The following RAP1GDS1 variants were observed in gnomAD, a reference collection of about 807,000 sequenced individuals.
RAP1GDS1 encodes Rap1 GTPase-GDP dissociation stimulator 1, also known as RAP1, GTP-GDP dissociation stimulator 1.
RAP1GDS1 carries 35 observed loss-of-function variants against 71.1 expected under a neutral mutation model. The observed-to-expected ratio is 0.49, with a 90% CI of 0.38 to 0.65. RAP1GDS1 has a LOEUF of 0.65. Ranked by LOEUF, RAP1GDS1 falls within the 30% of genes least tolerant of loss-of-function variation. RAP1GDS1 has a pLI of 0.00. For synonymous variants in RAP1GDS1, 229 were observed against 243.1 expected, an observed-to-expected ratio of 0.94 and a Z score of 0.54; for missense variants, 663 against 706.1, an observed-to-expected ratio of 0.94 and a Z score of 0.69.
rs141643272 is a variant in RAP1GDS1, at chr4:98,272,228, G to A, written c.4+10659G>A. On this transcript the variant is annotated intron_variant, in intron 1 of 14. Coordinates refer to ENST00000408927, the MANE Select transcript of RAP1GDS1 (RefSeq NM_001100427.2). ...CTGCATTTTAAATAATTATTACTAG[G>A]CGCAAACACATCTTTATTAATCAAA... Among the ~76,000 whole-genome samples, 416 of 152,262 alleles carry A rather than the reference G, an allele frequency of 2.7e-3. 3 individuals carry two copies. The highest frequency in any genetic ancestry group is 9.7e-3 in the African/African-American group (402 of 41,554).
intron 2 of RAP1GDS1, among the ~76,000 whole-genome samples, chr4:98,317,444 G>A (rs1329031866): frequency 1.3e-5 from 2 of 152,086 alleles, no homozygotes; most frequent in African/African-American, 2.4e-5. Context: ...CTCCAAATTC[G>A]GGGCTAAGGT....
chr4:98,324,091 T>G (rs1369562978), intron 2 of RAP1GDS1, among the ~76,000 whole-genome samples: 5 of 151,010 alleles, frequency 3.3e-5, no homozygotes, highest in Admixed American at 2.6e-4. Context: ...ACAAAATCAA[T>G]GTACAAAAAT....
At chr4:98,374,534 A>C (rs1740875084) in intron 4 of RAP1GDS1, among the ~76,000 whole-genome samples, 1 of 152,120 alleles carries the variant, frequency 6.6e-6, no homozygotes, top group African/African-American at 2.4e-5. Flanking sequence ...CTTAAAATGC[A>C]TCTCAACTTT....
chr4:98,313,120 G>A (rs1730505765), intron 2 of RAP1GDS1, among the ~76,000 whole-genome samples: 1 of 151,446 alleles, frequency 6.6e-6, no homozygotes, highest in East Asian at 1.9e-4. Context: ...TGCAATTATG[G>A]GGGTTGCAAG....
chr4:98,434,536 C>T (rs1428435066), intron 13 of RAP1GDS1, among the ~76,000 whole-genome samples: 4 of 151,818 alleles, frequency 2.6e-5, no homozygotes, highest in Admixed American at 1.3e-4. Flanking sequence ...CTGTGTTACC[C>T]TTCTGTGTGT....
At chr4:98,382,919 C>T (rs1042724310) in intron 5 of RAP1GDS1, among the ~76,000 whole-genome samples, 6 of 151,632 alleles carry the variant, frequency 4.0e-5, no homozygotes, top group Admixed American at 4.0e-4. Flanking sequence ...GCATTGAAAA[C>T]ACACTGGTAG....
intron 5 of RAP1GDS1, among the ~76,000 whole-genome samples, chr4:98,383,037 C>T (rs1333789280): frequency 6.6e-6 from 1 of 151,548 alleles, no homozygotes; most frequent in Non-Finnish European, 1.5e-5. Context: ...AGAAACAAAC[C>T]AGTGATCTAA....
At chr4:98,271,370 C>T (rs758762855) in intron 1 of RAP1GDS1, among the ~76,000 whole-genome samples, 15 of 152,008 alleles carry the variant, frequency 9.9e-5, no homozygotes, top group Admixed American at 2.0e-4. Flanking sequence ...TTTAACTAAA[C>T]GCCTTTCTCC....
intron 1 of RAP1GDS1, among the ~76,000 whole-genome samples, chr4:98,271,093 T>C (rs2110231123): frequency 6.6e-6 from 1 of 152,246 alleles, no homozygotes; most frequent in East Asian, 1.9e-4. Flanking sequence ...AAGTTATGTG[T>C]GGATTTTTGA....
At chr4:98,340,932 T>TA (rs1377816613) in intron 2 of RAP1GDS1, among the ~76,000 whole-genome samples, 1 of 151,998 alleles carries the variant, frequency 6.6e-6, no homozygotes, top group East Asian at 1.9e-4. Flanking sequence ...CTATGCTTAT[T>TA]ACCTAAGTGA....
intron 14 of RAP1GDS1, among the ~76,000 whole-genome samples, chr4:98,439,826 G>T (rs1414291584): frequency 6.6e-6 from 1 of 152,066 alleles, no homozygotes; most frequent in East Asian, 1.9e-4. Context: ...TTAGAATTGT[G>T]GTAAAACATA....
chr4:98,436,823 ATTAT>A (rs1471366449), intron 13 of RAP1GDS1, 113 bp from the exon 14 acceptor site: 18 of 987,388 alleles, frequency 1.8e-5, no homozygotes, highest in Non-Finnish European at 2.3e-5. Flanking sequence ...CTAGGTCATT[ATTAT>A]TTATCAGTTC....
chr4:98,372,874 G>C (rs1740599642), intron 4 of RAP1GDS1, among the ~76,000 whole-genome samples: 1 of 151,998 alleles, frequency 6.6e-6, no homozygotes, highest in Non-Finnish European at 1.5e-5. Context: ...CTTTTGAGTA[G>C]AGACAGGTTC....
intron 2 of RAP1GDS1, among the ~76,000 whole-genome samples, chr4:98,312,531 G>T (rs1730378189): frequency 6.6e-6 from 1 of 152,120 alleles, no homozygotes; most frequent in South Asian, 2.1e-4. Context: ...AGATTGTAGG[G>T]CAGAGGTTGA....
intron 2 of RAP1GDS1, among the ~76,000 whole-genome samples, chr4:98,334,759 G>T (rs1482824805): frequency 6.6e-6 from 1 of 151,740 alleles, no homozygotes; most frequent in African/African-American, 2.4e-5. Flanking sequence ...ATTTCCAAAA[G>T]ATACTTAAGT....
At chr4:98,436,897 TA>T in intron 13 of RAP1GDS1, 42 bp from the exon 14 acceptor site, 1 of 1,486,430 alleles carries the variant, frequency 6.7e-7, no homozygotes. Context: ...ATCCTGAGGA[TA>T]CTGGGTTCGT....
In RAP1GDS1 at chr4:98,443,015, A is replaced by ATTTTTTTTTTTTTTTTTTTTT. The variant is rs397994660; in HGVS notation, c.*901_*921dup. 3.3e-4 allele frequency: 45 copies of ATTTTTTTTTTTTTTTTTTTTT among 138,286 alleles called. No homozygotes were observed. Among genetic ancestry groups the ATTTTTTTTTTTTTTTTTTTTT allele is most frequent in the African/African-American group, 1.1e-3 (29 of 25,338 alleles). 8.6% of individuals were successfully genotyped at this position (138,286 alleles called of 1,614,324 possible). A position where few individuals can be genotyped will look rare whatever the true frequency, so the allele number is the denominator to read the frequency against. The stretch of plus-strand genomic sequence containing the variant: ...TGAGTATAGTTCATTGAAGAATGGA[A>ATTTTTTTTTTTTTTTTTTTTT]TTTTTTTTTTTTTTTTTTTTTTTGC... On this transcript the variant is annotated 3_prime_UTR_variant, in exon 15 of 15. Transcript: ENST00000408927.
intron 9 of RAP1GDS1, 26 bp from the exon 10 acceptor site, chr4:98,418,630 GA>G (rs1748350693): frequency 1.9e-6 from 3 of 1,571,828 alleles, no homozygotes; most frequent in Non-Finnish European, 8.6e-7. Flanking sequence ...TAAAGAGGAA[GA>G]AAAAGATGTG....
chr4:98,272,850 G>T (rs1723673683), intron 1 of RAP1GDS1, among the ~76,000 whole-genome samples: 1 of 152,068 alleles, frequency 6.6e-6, no homozygotes. Flanking sequence ...TCGAGAAATG[G>T]TTCATTGTTG....
Sources: gnomAD v4.1 joint callset for allele counts (sites outside exome capture counted in the v4.1 genomes callset) on GRCh38, gnomAD v4.1.1 for gene constraint, MANE v1.5 for transcripts, NCBI Gene and HGNC (gene_info 2026-07-23, HGNC 2026-07-21) for gene names.